The following MON1A variants were observed in gnomAD, a reference collection of about 807,000 sequenced individuals.
The protein encoded by MON1A is MON1 vesicular trafficking associated A.
In MON1A, 29 loss-of-function variants were observed where a neutral mutation model predicts 44.6. The ratio of observed to expected loss-of-function variants is 0.65; its 90% CI spans 0.48 to 0.89. The LOEUF (loss-of-function observed/expected upper bound fraction) is 0.89, where lower values mean the gene tolerates loss of function less well. Ranked by LOEUF, MON1A falls within the 40% of genes least tolerant of loss-of-function variation. The pLI, the probability that MON1A is intolerant of heterozygous loss-of-function variation, is 0.00. For synonymous variants in MON1A, 275 were observed against 316.4 expected (o/e 0.87, Z 1.39); for missense variants, 615 against 759.6 (o/e 0.81, Z 2.24).
chr3:49,925,993 C>A (rs2083048411), intron 1 of MON1A, among the ~76,000 whole-genome samples: 1 of 152,174 alleles, frequency 6.6e-6, no homozygotes, highest in African/African-American at 2.4e-5. Flanking sequence ...AAGTGATTCT[C>A]TTGATACAGA....
At chr3:49,913,658 G>GTTTTTTTTTTTTTTTTTTTTTTT (rs1559493127) in intron 1 of MON1A, among the ~76,000 whole-genome samples, 6 of 121,514 alleles carry the variant, frequency 4.9e-5, no homozygotes, top group African/African-American at 9.6e-5. Context: ...TTTCCTTCTA[G>GTTTTTTTTTTTTTTTTTTTTTTT]TATTTTTTTT....
chr3:49,923,356 G>GGGAAGGGA (rs1203825478), intron 1 of MON1A, among the ~76,000 whole-genome samples: 1 of 143,940 alleles, frequency 6.9e-6, no homozygotes, highest in Admixed American at 7.0e-5. Context: ...GAGGGAGGGA[G>GGGAAGGGA]GGAAGGGAGG....
At chr3:49,916,178 T>C (rs924661516) in intron 1 of MON1A, among the ~76,000 whole-genome samples, 5 of 152,150 alleles carry the variant, frequency 3.3e-5, no homozygotes, top group South Asian at 2.1e-4. Context: ...CTGTGTAACC[T>C]TGGGCAAATG....
chr3:49,917,756 G>A (rs1476884199), intron 1 of MON1A, among the ~76,000 whole-genome samples: 2 of 151,856 alleles, frequency 1.3e-5, no homozygotes, highest in African/African-American at 4.8e-5. Flanking sequence ...CGTTAGAAGA[G>A]AACTTCCGGG....
intron 2 of MON1A, chr3:49,912,302 A>G (rs2082896050): frequency 5.8e-6 from 2 of 347,740 alleles, no homozygotes; most frequent in Non-Finnish European, 1.0e-5. Context: ...CATCTTGGTC[A>G]CACTGGCCTA....
intron 2 of MON1A, 118 bp from the exon 3 acceptor site, chr3:49,912,129 G>A (rs2082893865): frequency 8.0e-7 from 1 of 1,245,692 alleles, no homozygotes; most frequent in South Asian, 1.6e-5. Flanking sequence ...TCAAGCCACT[G>A]TTCCCTTCTG....
At chr3:49,921,097 A>C (rs919510567) in intron 1 of MON1A, among the ~76,000 whole-genome samples, 1 of 151,824 alleles carries the variant, frequency 6.6e-6, no homozygotes, top group African/African-American at 2.4e-5. Flanking sequence ...TAGAGCTTGC[A>C]ATGAGCCAAG....
Position 49,908,969 on chromosome 3 carries a change from C to T in MON1A, c.*45G>A. 1.3e-6 allele frequency: 2 copies of T among 1,563,472 alleles called. No individual in the cohort carries two copies. Among genetic ancestry groups the T allele is most frequent in the Middle Eastern group, 1.8e-4 (1 of 5,676 alleles). Reference sequence around the variant, plus strand: ...CCCATCTGGAGGCTCCTATGGCTTCCCACACCTAGTGTGTCCAGGAAGGCT... The same window carrying T: ...CCCATCTGGAGGCTCCTATGGCTTCTCACACCTAGTGTGTCCAGGAAGGCT... On this transcript the variant is annotated 3_prime_UTR_variant, in exon 6 of 6. Coordinates refer to ENST00000296473, the MANE Select transcript of MON1A (RefSeq NM_032355.4).
intron 1 of MON1A, among the ~76,000 whole-genome samples, chr3:49,925,428 T>C (rs1337818962): frequency 6.6e-6 from 1 of 152,240 alleles, no homozygotes; most frequent in Non-Finnish European, 1.5e-5. Flanking sequence ...TGTATGTTTA[T>C]ACAGAAAATA....
chr3:49,912,888 ATAAT>A (rs2082902624), intron 2 of MON1A: 1 of 411,694 alleles, frequency 2.4e-6, no homozygotes, highest in African/African-American at 2.0e-5. Flanking sequence ...AAATTATGAA[ATAAT>A]TAGTGTGCTA....
chr3:49,911,469 G>T lies in MON1A; in HGVS notation c.613+57C>A. 4 of 1,551,390 alleles carry T rather than the reference G, an allele frequency of 2.6e-6. No individual in the cohort carries two copies. The South Asian group carries it at 5.0e-5, about 19-fold the overall frequency. On this transcript the variant is annotated intron_variant, in intron 3 of 5. Transcript: ENST00000296473. The surrounding 1 kb of genome is among the most constrained non-coding windows in gnomAD (Gnocchi z 5.7). The stretch of plus-strand genomic sequence containing the variant: ...TCTGGTCTGCAGGGGTCCAAAACCT[G>T]CTATGAATGAACCTTGGCCAGGGGA...
Position 49,910,628 on chromosome 3 carries a change from C to T in MON1A, c.870G>A (p.Met290Ile), listed in dbSNP as rs2108529768. 1.2e-6 allele frequency: 2 copies of T among 1,603,242 alleles called. No homozygotes were observed. The highest frequency in any genetic ancestry group is 2.3e-5 in the East Asian group (1 of 44,336). Residue 290 changes from methionine (M) to isoleucine (I), a missense_variant, in exon 4 of 6, where the codon ATG becomes ATA. Met to Ile is a conservative substitution (Grantham distance 10, BLOSUM62 1). Coordinates refer to ENST00000296473, the MANE Select transcript of MON1A (RefSeq NM_032355.4). The surrounding 1 kb of genome is among the most constrained non-coding windows in gnomAD (Gnocchi z 8.0). The stretch of plus-strand genomic sequence containing the variant: ...CCAGGGGCAGGCACCGTGCCGCCCC[C>T]ATCAGGAAGCTGGGGTCTCGTGCCA... ...QLMARDPSFL[M>I]GAARCLPLAA...
Position 49,909,925 on chromosome 3 carries a change from G to A in MON1A, c.1379+194C>T. On this transcript the variant is annotated intron_variant, in intron 4 of 5. Transcript: ENST00000296473. This position sits in a 1 kb window ranked among gnomAD's most constrained non-coding sequence, Gnocchi z 4.0. ...ATTTCCAGGCCTTCTGGTTAATAAA[G>A]TAGAGAGGGTATGCTCATGGGGTGA... 1.7e-6 allele frequency: 1 copy of A among 604,232 alleles called. No individual in the cohort carries two copies. The highest frequency in any genetic ancestry group is 2.9e-6 in the Non-Finnish European group (1 of 350,698). 37.4% of individuals were successfully genotyped at this position (604,232 alleles called of 1,614,324 possible). A position where few individuals can be genotyped will look rare whatever the true frequency, so the allele number is the denominator to read the frequency against.
Position 49,928,233 on chromosome 3 carries a change from G to T in MON1A, c.-14+1376C>A, listed in dbSNP as rs1050526732. Among the ~76,000 whole-genome samples, 7 of 152,314 alleles carry T rather than the reference G, an allele frequency of 4.6e-5. 1 individual carries two copies. Among genetic ancestry groups the T allele is most frequent in the Admixed American group, 4.6e-4 (7 of 15,288 alleles). ...ATCTCCTAGGTCAGTCTGGGGTCCA[G>T]CCAGAGGCCTGATGAAGCAAACAGC... On this transcript the variant is annotated intron_variant, in intron 1 of 5. Transcript: ENST00000296473.
intron 1 of MON1A, among the ~76,000 whole-genome samples, chr3:49,925,518 T>G (rs2083045084): frequency 6.6e-6 from 1 of 152,152 alleles, no homozygotes; most frequent in African/African-American, 2.4e-5. Flanking sequence ...ATATTCCAAA[T>G]AGAACTGATA....
chr3:49,925,955 C>G (rs145069382), intron 1 of MON1A, among the ~76,000 whole-genome samples: 10 of 152,136 alleles, frequency 6.6e-5, no homozygotes, highest in Non-Finnish European at 8.8e-5. Context: ...TTGCCCTTGT[C>G]CCTGCATAAT....
At position 49,913,378 on chromosome 3, in the gene MON1A, C is replaced by T; in HGVS notation, c.-13-19G>A. ...AGCTCTCCTGTGGGGCAAACAAATGCAACATCGATGGCTTTTGGCAGGGTC... is the reference window on the plus strand; with the variant it reads ...AGCTCTCCTGTGGGGCAAACAAATGTAACATCGATGGCTTTTGGCAGGGTC... On this transcript the variant is annotated intron_variant, in intron 1 of 5. Transcript: ENST00000296473. 1 of 1,597,350 alleles carries T rather than the reference C, an allele frequency of 6.3e-7. No homozygotes were observed. The highest frequency in any genetic ancestry group is 8.6e-7 in the Non-Finnish European group (1 of 1,167,526).
At chr3:49,929,270 C>A (rs926781104) in intron 1 of MON1A, 1 of 394,792 alleles carries the variant, frequency 2.5e-6, no homozygotes, top group South Asian at 2.5e-5. Flanking sequence ...CTGCCCCGCT[C>A]ATCCCAGTTA....
chr3:49,922,961 G>A (rs556402922), intron 1 of MON1A, among the ~76,000 whole-genome samples: 11 of 151,820 alleles, frequency 7.2e-5, no homozygotes, highest in African/African-American at 2.2e-4. Context: ...CGCCTGCCTT[G>A]GCCTCCCAAA....
Sources: allele counts gnomAD v4.1 joint callset (sites outside exome capture counted in the v4.1 genomes callset), GRCh38; gene constraint gnomAD v4.1.1; non-coding constraint Gnocchi (gnomAD v3.1); transcripts MANE v1.5; gene names NCBI Gene and HGNC (gene_info 2026-07-23, HGNC 2026-07-21).